The following BYSL variants were observed in gnomAD, a reference collection of about 807,000 sequenced individuals.
The protein encoded by BYSL is bystin like.
A neutral mutation model predicts 45.4 loss-of-function variants in BYSL; 21 were observed. That is an observed-to-expected ratio of 0.46 (90% CI 0.33 to 0.67). BYSL has a LOEUF of 0.67. Among genes scored for constraint, BYSL ranks in the 30% least tolerant of loss-of-function variants. The pLI, the probability that BYSL is intolerant of heterozygous loss-of-function variation, is 0.02. For synonymous variants in BYSL, 215 were observed against 231.3 expected (o/e 0.93, Z 0.64); for missense variants, 522 against 578.5 (o/e 0.90, Z 1.00).
intron 2 of BYSL, among the ~76,000 whole-genome samples, chr6:41,928,700 G>A (rs761498963): frequency 1.1e-4 from 17 of 152,086 alleles, no homozygotes; most frequent in Non-Finnish European, 2.4e-4. Context: ...ATTTAGTTTG[G>A]GGGCACATTA....
the BYSL span, among the ~76,000 whole-genome samples, chr6:41,914,746 C>T: frequency 6.6e-6 from 1 of 151,956 alleles, no homozygotes; most frequent in Admixed American, 6.6e-5. Context: ...TCCTCTCTCC[C>T]TCCCAGCCAT....
In BYSL at chr6:41,921,817, C is replaced by A. The variant is rs748654332; in HGVS notation, c.255C>A (p.Arg85=). The A allele has an allele frequency of 6.2e-7, 1 of 1,611,202 alleles. No individual in the cohort carries two copies. The highest frequency in any genetic ancestry group is 1.3e-5 in the African/African-American group (1 of 74,962). The change falls in exon 1 of 7, where the codon CGC becomes CGA. Residue 85 remains arginine (R), a synonymous_variant. Coordinates refer to ENST00000230340, the MANE Select transcript of BYSL (RefSeq NM_004053.4). ...ACAAGCCCGCGGCGCCGCGGGAACG[C>A]ACCACGCGGCTGGGTGAGTGTCTGG... is the stretch of plus-strand genomic sequence containing the variant. The part of the protein sequence containing the change: ...TGDKPAAPRE[R]TTRLGPRMPQ...
At chr6:41,923,848 C>T (rs528442917) in intron 1 of BYSL, among the ~76,000 whole-genome samples, 2 of 152,284 alleles carry the variant, frequency 1.3e-5, no homozygotes, top group Admixed American at 6.5e-5. Context: ...TTCCTCTTTG[C>T]CCATTCCACT....
At chr6:41,928,685 A>G (rs889837839) in intron 2 of BYSL, among the ~76,000 whole-genome samples, 6 of 152,210 alleles carry the variant, frequency 3.9e-5, no homozygotes, top group Non-Finnish European at 8.8e-5. Flanking sequence ...CAACAATCAG[A>G]GGCCATTTAG....
intron 1 of BYSL, among the ~76,000 whole-genome samples, chr6:41,923,441 C>A (rs568573539): frequency 6.6e-6 from 1 of 152,164 alleles, no homozygotes; most frequent in East Asian, 1.9e-4. Flanking sequence ...AGATTACAGG[C>A]GTGAGCCATC....
At chr6:41,919,694 C>G (rs918961997), upstream of BYSL, among the ~76,000 whole-genome samples, 4 of 152,060 alleles carry the variant, frequency 2.6e-5, no homozygotes, top group African/African-American at 9.7e-5. Flanking sequence ...CTTTGGGAGA[C>G]CAAAGCAGGA....
chr6:41,932,692 A>G lies in BYSL; in HGVS notation c.1300A>G (p.Ile434Val), dbSNP rs144306191. The change falls in exon 7 of 7, where the codon ATC becomes GTC. Residue 434 changes from isoleucine (I) to valine (V), a missense_variant. Transcript: ENST00000230340. This position sits in a 1 kb window ranked among gnomAD's most constrained non-coding sequence, Gnocchi z 4.7. Reference protein sequence around the residue: ...AVPRDVEDVPITVE With the variant: ...AVPRDVEDVPVTVE ...CCCCCGCGATGTGGAAGATGTTCCC[A>G]TCACCGTGGAGTGAGGAAAACAGTC... The G allele has an allele frequency of 5.2e-5, 84 of 1,610,516 alleles. No individual in the cohort carries two copies. The African/African-American group carries it at 1.1e-3, about 20-fold the overall frequency.
chr6:41,918,457 TC>T (rs976205470), upstream of BYSL, among the ~76,000 whole-genome samples: 28 of 150,312 alleles, frequency 1.9e-4, no homozygotes, highest in Non-Finnish European at 3.2e-4. Flanking sequence ...TGAGCCAAGA[TC>T]GCACCACTGC....
chr6:41,930,899 A>T, intron 4 of BYSL, 131 bp downstream of exon 4: 1 of 1,284,044 alleles, frequency 7.8e-7, no homozygotes, highest in Non-Finnish European at 1.0e-6. Flanking sequence ...GCTACTTTAT[A>T]GCATCATTTT....
chr6:41,931,780 CATT>C lies in BYSL; in HGVS notation c.919_921del (p.Ile307del). ...GCACTTGTACCCTCCGGGAAGCCAT[CATT>C]GTGGGTAGCATCATCACCAAGTGCT... is the stretch of plus-strand genomic sequence containing the variant. On this transcript the variant is annotated inframe_deletion, in exon 6 of 7. Coordinates refer to ENST00000230340, the MANE Select transcript of BYSL (RefSeq NM_004053.4). 6.2e-7 allele frequency: 1 copy of C among 1,614,114 alleles called. No homozygotes were observed. Among genetic ancestry groups the C allele is most frequent in the Non-Finnish European group, 8.5e-7 (1 of 1,180,024 alleles).
chr6:41,911,567 C>T, the BYSL span, among the ~76,000 whole-genome samples: 2 of 151,986 alleles, frequency 1.3e-5, no homozygotes, highest in Non-Finnish European at 1.5e-5. Context: ...TTAAAATGAA[C>T]AAGTCAGCAG....
upstream of BYSL, chr6:41,920,808 T>C: frequency 1.8e-6 from 1 of 558,866 alleles, no homozygotes; most frequent in Non-Finnish European, 3.0e-6. Flanking sequence ...ACCTTTGCTT[T>C]CCCGCCTTCC....
intron 2 of BYSL, among the ~76,000 whole-genome samples, chr6:41,928,968 C>T (rs1775599728): frequency 6.6e-6 from 1 of 152,204 alleles, no homozygotes; most frequent in South Asian, 2.1e-4. Context: ...GGATCTCACT[C>T]TGTCACCCAC....
At chr6:41,927,226 AG>A (rs1340782476) in intron 1 of BYSL, 147 bp from the exon 2 acceptor site, 4 of 850,260 alleles carry the variant, frequency 4.7e-6, no homozygotes, top group Non-Finnish European at 7.1e-6. Flanking sequence ...CCCTGGGGAC[AG>A]GGAGCTAATG....
At chr6:41,915,516 G>A in the BYSL span, among the ~76,000 whole-genome samples, 8 of 151,864 alleles carry the variant, frequency 5.3e-5, no homozygotes, top group African/African-American at 1.2e-4. Context: ...CGCTGGGCGC[G>A]GTGGCTCACG....
At chr6:41,924,523 C>T (rs562642471) in intron 1 of BYSL, among the ~76,000 whole-genome samples, 3 of 152,190 alleles carry the variant, frequency 2.0e-5, no homozygotes, top group Non-Finnish European at 4.4e-5. Flanking sequence ...CTTTTGGTTT[C>T]GGTTGTTCGT....
intron 1 of BYSL, among the ~76,000 whole-genome samples, chr6:41,925,265 C>T (rs76614900): frequency 0.011 from 1,649 of 152,254 alleles, 28 homozygotes; most frequent in South Asian, 0.046. Flanking sequence ...CCTATTGATA[C>T]GTAGCATTAT....
chr6:41,930,404 A>G (rs890139095), intron 3 of BYSL, 134 bp downstream of exon 3: 156 of 1,325,876 alleles, frequency 1.2e-4, no homozygotes, highest in Non-Finnish European at 1.5e-4. Context: ...TAAGAGGCAG[A>G]GTGTGTGGGT....
intron 4 of BYSL, 22 bp downstream of exon 4, chr6:41,930,790 G>A (rs1316599525): frequency 4.4e-6 from 7 of 1,605,520 alleles, no homozygotes; most frequent in Non-Finnish European, 5.9e-6. Flanking sequence ...GGGGGTTCGG[G>A]GGCCTTGGGT....
Sources: gnomAD v4.1 joint callset for allele counts (sites outside exome capture counted in the v4.1 genomes callset) on GRCh38, gnomAD v4.1.1 for gene constraint, Gnocchi (gnomAD v3.1) non-coding constraint, MANE v1.5 for transcripts, NCBI Gene and HGNC (gene_info 2026-07-23, HGNC 2026-07-21) for gene names.